GTF2F2: variants seen among roughly 807,000 people sequenced by gnomAD.
GTF2F2 encodes ATP-dependent helicase GTF2F2.
In GTF2F2, 23 loss-of-function variants were observed where a neutral mutation model predicts 42.2. The ratio of observed to expected loss-of-function variants is 0.55; its 90% CI spans 0.39 to 0.77. The LOEUF is 0.77. Ranked by LOEUF, GTF2F2 falls within the 30% of genes least tolerant of loss-of-function variation. GTF2F2 has a pLI of 0.00. For missense variants in GTF2F2, 261 were observed against 287.2 expected (o/e 0.91, Z 0.66); for synonymous variants, 105 against 100.8 (o/e 1.04, Z -0.25).
intron 5 of GTF2F2, among the ~76,000 whole-genome samples, chr13:45,212,832 C>G (rs184138149): frequency 9.7e-4 from 148 of 151,934 alleles, no homozygotes; most frequent in African/African-American, 3.4e-3. Flanking sequence ...ACCTCCGCCT[C>G]CCACCTCCAA....
chr13:45,250,504 A>G (rs1341542163), intron 5 of GTF2F2, among the ~76,000 whole-genome samples: 1 of 152,192 alleles, frequency 6.6e-6, no homozygotes, highest in Non-Finnish European at 1.5e-5. Flanking sequence ...TTATAGTATT[A>G]AATGCTTGTC....
chr13:45,267,216 T>C lies in GTF2F2; in HGVS notation c.487-17T>C, dbSNP rs770684512. 1.2e-5 allele frequency: 19 copies of C among 1,600,510 alleles called. No individual in the cohort carries two copies. Among genetic ancestry groups the C allele is most frequent in the Non-Finnish European group, 1.6e-5 (19 of 1,172,892 alleles). On this transcript the variant is annotated splice_polypyrimidine_tract_variant and intron_variant, in intron 6 of 7. Coordinates refer to ENST00000340473, the MANE Select transcript of GTF2F2 (RefSeq NM_004128.3). ...TGTTGAATTGATGCTTTTATTTCCT[T>C]TGCTGTTTGCATATAGATCGAATAT... is the stretch of plus-strand genomic sequence containing the variant.
At chr13:45,158,454 T>C (rs1477409710) in intron 4 of GTF2F2, among the ~76,000 whole-genome samples, 1 of 152,236 alleles carries the variant, frequency 6.6e-6, no homozygotes, top group African/African-American at 2.4e-5. Flanking sequence ...AACAGACTAA[T>C]ACACCACTTA....
intron 1 of GTF2F2, among the ~76,000 whole-genome samples, chr13:45,126,826 A>G (rs1229836891): frequency 2.0e-5 from 3 of 152,222 alleles, no homozygotes; most frequent in Non-Finnish European, 4.4e-5. Flanking sequence ...GTCCTGGTCT[A>G]GGAAGTCAAG....
intron 6 of GTF2F2, among the ~76,000 whole-genome samples, chr13:45,254,714 T>G (rs1876028251): frequency 6.6e-6 from 1 of 152,082 alleles, no homozygotes; most frequent in Non-Finnish European, 1.5e-5. Context: ...GGGCTAAGGG[T>G]TTTGGGTTTT....
intron 1 of GTF2F2, among the ~76,000 whole-genome samples, chr13:45,124,400 A>T (rs1868859949): frequency 1.3e-5 from 2 of 150,658 alleles, no homozygotes; most frequent in South Asian, 4.2e-4. Context: ...GGCCTTTTTA[A>T]AAAATTATTT....
intron 4 of GTF2F2, among the ~76,000 whole-genome samples, chr13:45,184,195 T>C (rs1872302412): frequency 6.6e-6 from 1 of 152,078 alleles, no homozygotes; most frequent in African/African-American, 2.4e-5. Flanking sequence ...CTTATAATAC[T>C]GTAATACCTG....
intron 7 of GTF2F2, among the ~76,000 whole-genome samples, chr13:45,273,318 CT>C (rs1305925235): frequency 2.6e-5 from 4 of 151,922 alleles, no homozygotes; most frequent in African/African-American, 9.7e-5. Context: ...TCAAGCAGTC[CT>C]CCTGCCTCAG....
intron 2 of GTF2F2, among the ~76,000 whole-genome samples, chr13:45,147,600 C>G (rs1870260167): frequency 6.6e-6 from 1 of 152,106 alleles, no homozygotes; most frequent in Admixed American, 6.5e-5. Flanking sequence ...TATGTGAAAT[C>G]TTAAAATTTT....
In GTF2F2 at chr13:45,120,791, C is replaced by T. The variant is rs540759204; in HGVS notation, c.66+70C>T. ...ATAGTTTAAGTAACTTGAGCCTATC[C>T]CGCTCCGTGCGCCTCTTAAAGTTCT... On this transcript the variant is annotated intron_variant, in intron 1 of 7. Transcript: ENST00000340473. 3.8e-5 allele frequency: 43 copies of T among 1,123,278 alleles called. No individual in the cohort carries two copies. In the East Asian group the frequency reaches 1.0e-3, roughly 27 times the overall value. The allele number at this position is 1,123,278 out of a possible 1,614,324, so 69.6% of individuals were successfully genotyped here. A position where few individuals can be genotyped will look rare whatever the true frequency, so the allele number is the denominator to read the frequency against.
At chr13:45,170,256 C>A (rs1268800152) in intron 4 of GTF2F2, among the ~76,000 whole-genome samples, 1 of 152,204 alleles carries the variant, frequency 6.6e-6, no homozygotes, top group African/African-American at 2.4e-5. Context: ...TCAGACCCCC[C>A]CTGCCTTGGC....
intron 2 of GTF2F2, among the ~76,000 whole-genome samples, chr13:45,141,773 G>A (rs754217196): frequency 1.3e-5 from 2 of 152,044 alleles, no homozygotes; most frequent in Non-Finnish European, 2.9e-5. Flanking sequence ...GTGGCCATGG[G>A]TAACTGCTTG....
At chr13:45,122,059 C>A (rs1432147078) in intron 1 of GTF2F2, among the ~76,000 whole-genome samples, 4 of 152,060 alleles carry the variant, frequency 2.6e-5, no homozygotes, top group African/African-American at 9.7e-5. Flanking sequence ...GGGAATGGAA[C>A]AGAAATGCAA....
intron 6 of GTF2F2, among the ~76,000 whole-genome samples, chr13:45,257,577 A>G (rs1462199493): frequency 2.0e-5 from 3 of 152,152 alleles, no homozygotes; most frequent in African/African-American, 4.8e-5. Flanking sequence ...TTGAACATCA[A>G]ATTTCCCCCC....
chr13:45,219,130 T>C (rs1233672977), intron 5 of GTF2F2, among the ~76,000 whole-genome samples: 2 of 151,666 alleles, frequency 1.3e-5, no homozygotes, highest in African/African-American at 4.9e-5. Flanking sequence ...TGGCTTCATA[T>C]TTTATGAATT....
intron 4 of GTF2F2, among the ~76,000 whole-genome samples, chr13:45,156,589 A>AT (rs986324440): frequency 2.0e-5 from 3 of 151,726 alleles, no homozygotes; most frequent in Admixed American, 6.6e-5. Context: ...AATAGAGGTA[A>AT]TTTTTTTTTA....
At chr13:45,216,184 C>T (rs1035174260) in intron 5 of GTF2F2, among the ~76,000 whole-genome samples, 10 of 152,138 alleles carry the variant, frequency 6.6e-5, no homozygotes, top group Admixed American at 3.9e-4. Flanking sequence ...CACCACTGCA[C>T]TCCCTCCTGG....
chr13:45,257,516 C>T (rs527942417), intron 6 of GTF2F2, among the ~76,000 whole-genome samples: 2 of 152,258 alleles, frequency 1.3e-5, no homozygotes, highest in South Asian at 4.1e-4. Flanking sequence ...CTTTAATATA[C>T]TCAAGATTAG....
intron 5 of GTF2F2, among the ~76,000 whole-genome samples, chr13:45,230,408 G>T (rs531246401): frequency 2.0e-4 from 30 of 152,182 alleles, no homozygotes; most frequent in African/African-American, 4.6e-4. Context: ...CAAGTTACTG[G>T]GGTAAAGTGG....
Sources: allele counts gnomAD v4.1 joint callset (sites outside exome capture counted in the v4.1 genomes callset), GRCh38; gene constraint gnomAD v4.1.1; transcripts MANE v1.5; gene names NCBI Gene and HGNC (gene_info 2026-07-23, HGNC 2026-07-21).